The following BMPR2 variants were observed in gnomAD, a reference collection of about 807,000 sequenced individuals.
BMPR2 encodes the protein bone morphogenetic protein receptor type-2.
BMPR2 carries 29 observed loss-of-function variants against 100.8 expected under a neutral mutation model. That is an observed-to-expected ratio of 0.29 (90% confidence interval 0.21 to 0.39). BMPR2 has a LOEUF of 0.39. Ranked by LOEUF, BMPR2 falls within the 10% of genes least tolerant of loss-of-function variation. The probability of loss-of-function intolerance (pLI) is 1.00; values close to 1 mark genes in which losing one functional copy is unlikely to be tolerated. For synonymous variants in BMPR2, 382 were observed against 442.3 expected (o/e 0.86, Z 1.71); for missense variants, 1,011 against 1,274.5 (o/e 0.79, Z 3.15).
At chr2:202,552,993 T>G in intron 11 of BMPR2, 105 bp downstream of exon 11, 1 of 1,336,500 alleles carries the variant, frequency 7.5e-7, no homozygotes, top group African/African-American at 1.5e-5. Flanking sequence ...GTTCAATGAT[T>G]ACCTCATACA....
chr2:202,543,997 T>A (rs1319576919), intron 10 of BMPR2, among the ~76,000 whole-genome samples: 1 of 151,918 alleles, frequency 6.6e-6, no homozygotes, highest in East Asian at 1.9e-4. Context: ...TAAGACCCTG[T>A]CTCTTTAAAA....
chr2:202,388,213 G>A (rs1015207406), intron 1 of BMPR2, among the ~76,000 whole-genome samples: 2 of 151,580 alleles, frequency 1.3e-5, no homozygotes, highest in Non-Finnish European at 2.9e-5. Context: ...CCTGGCCAAC[G>A]TGATGAAACC....
At chr2:202,392,727 T>C (rs1166083524) in intron 1 of BMPR2, among the ~76,000 whole-genome samples, 1 of 151,372 alleles carries the variant, frequency 6.6e-6, no homozygotes, top group East Asian at 2.0e-4. Flanking sequence ...GCGCGGTGGC[T>C]CACGCCTGTA....
chr2:202,393,934 A>AGAGAGAGAGAGAGAGAGAGAG (rs60100855), intron 1 of BMPR2, among the ~76,000 whole-genome samples: 2 of 119,414 alleles, frequency 1.7e-5, no homozygotes, highest in Non-Finnish European at 3.6e-5. Context: ...AGAGAGAGAG[A>AGAGAGAGAGAGAGAGAGAGAG]TTCCTGTGAG....
At chr2:202,479,430 C>T (rs1167801784) in intron 3 of BMPR2, among the ~76,000 whole-genome samples, 1 of 151,166 alleles carries the variant, frequency 6.6e-6, no homozygotes, top group Non-Finnish European at 1.5e-5. Flanking sequence ...TGTAGATTCC[C>T]ATAGAAACTG....
intron 7 of BMPR2, among the ~76,000 whole-genome samples, chr2:202,525,889 G>T: frequency 8.6e-6 from 1 of 116,494 alleles, no homozygotes; most frequent in African/African-American, 3.4e-5. Flanking sequence ...TTTTGAGACG[G>T]AGTTTAGCTC....
intron 9 of BMPR2, among the ~76,000 whole-genome samples, chr2:202,542,100 G>C (rs1352983835): frequency 6.7e-6 from 1 of 148,366 alleles, no homozygotes; most frequent in Non-Finnish European, 1.5e-5. Context: ...AACAGAGTAA[G>C]ACTCCGTCTA....
At chr2:202,385,680 C>T (rs769110992) in intron 1 of BMPR2, among the ~76,000 whole-genome samples, 2 of 144,044 alleles carry the variant, frequency 1.4e-5, no homozygotes, top group Non-Finnish European at 3.0e-5. Context: ...AAAAAAAAAG[C>T]ATGTATTTTT....
rs777249940 is a variant in BMPR2 at position 202,556,382 on chromosome 2, A to G, written c.2717A>G (p.Asn906Ser). 7.4e-6 allele frequency: 12 copies of G among 1,614,220 alleles called. No individual in the cohort carries two copies. Among genetic ancestry groups the G allele is most frequent in the South Asian group, 1.1e-5 (1 of 91,080 alleles). Residue 906 changes from asparagine to serine, a missense_variant, in exon 12 of 13, where the codon AAC (asparagine) becomes AGC (serine). Asn to Ser is a conservative substitution (Grantham distance 46). Around this residue, in one of 6 missense-constraint regions of BMPR2, gnomAD observed 508 missense variants for 552.0 expected, o/e 0.92. Transcript: ENST00000374580. ...EGGRTNSNNN[N>S]SNPCSEQDVL... ...GGCCGAACTAATTCCAATAACAACA[A>G]CAGCAATCCATGTTCAGAACAAGAT...
intron 1 of BMPR2, among the ~76,000 whole-genome samples, chr2:202,378,398 A>G (rs1460884983): frequency 6.6e-6 from 1 of 152,202 alleles, no homozygotes; most frequent in Non-Finnish European, 1.5e-5. Context: ...AATTCTACAT[A>G]TAACTCGTAC....
chr2:202,383,953 A>G lies in BMPR2; in HGVS notation c.76+6403A>G, dbSNP rs947741338. ...TTGGGAGGCCGAGGCTGGTGGATCA[A>G]CTGACGTTAGGAGTTTGAGACCAGC... is the stretch of plus-strand genomic sequence containing the variant. On this transcript the variant is annotated intron_variant, in intron 1 of 12. Transcript: ENST00000374580. Among the ~76,000 whole-genome samples, 4 of 152,090 alleles carry G rather than the reference A, an allele frequency of 2.6e-5. No individual in the cohort carries two copies. In the East Asian group the frequency reaches 7.8e-4, roughly 29 times the overall value.
intron 5 of BMPR2, among the ~76,000 whole-genome samples, chr2:202,517,289 A>G (rs1490653849): frequency 6.6e-6 from 1 of 151,252 alleles, no homozygotes; most frequent in Non-Finnish European, 1.5e-5. Context: ...CACATACCAC[A>G]AATCTGTTTG....
chr2:202,513,218 G>C (rs953981022), intron 3 of BMPR2, among the ~76,000 whole-genome samples: 2 of 152,012 alleles, frequency 1.3e-5, no homozygotes, highest in Admixed American at 1.3e-4. Context: ...TGATCCTCCT[G>C]CAGCAGCCTC....
intron 9 of BMPR2, among the ~76,000 whole-genome samples, chr2:202,533,836 G>T (rs956931746): frequency 2.0e-5 from 3 of 152,214 alleles, no homozygotes; most frequent in Admixed American, 2.0e-4. Context: ...AAAAGGGAAA[G>T]AATACTCATT....
intron 1 of BMPR2, among the ~76,000 whole-genome samples, chr2:202,422,785 T>C (rs1691295520): frequency 6.6e-6 from 1 of 152,116 alleles, no homozygotes; most frequent in Non-Finnish European, 1.5e-5. Context: ...CAAGCGATTC[T>C]CCTGCCTCAG....
Position 202,376,526 on chromosome 2 carries a change from C to CGGT in BMPR2, c.-947_-946insTGG. On this transcript the variant is annotated 5_prime_UTR_variant, in exon 1 of 13. Transcript: ENST00000374580. ...CGGGAGAACGAGGCGGCGGCGGCGGCGGCGGCGGCGGCGGCGGCGGCAGCA... is the reference window on the plus strand; with the variant it reads ...CGGGAGAACGAGGCGGCGGCGGCGGCGGTGGCGGCGGCGGCGGCGGCGGCAGCA... Among the ~76,000 whole-genome samples, 1 of 135,200 alleles carries CGGT rather than the reference C, an allele frequency of 7.4e-6. No homozygotes were observed. Among genetic ancestry groups the CGGT allele is most frequent in the East Asian group, 2.3e-4 (1 of 4,364 alleles). The allele number at this position is 135,200 out of a possible 152,430, so 88.7% of individuals were successfully genotyped here.
intron 1 of BMPR2, among the ~76,000 whole-genome samples, chr2:202,440,567 C>T (rs1417774563): frequency 6.6e-6 from 1 of 150,634 alleles, no homozygotes; most frequent in Non-Finnish European, 1.5e-5. Context: ...GACGGGGTGG[C>T]GGCCGGGCAG....
chr2:202,558,396 A>C (rs1688620242), intron 12 of BMPR2, among the ~76,000 whole-genome samples: 1 of 152,070 alleles, frequency 6.6e-6, no homozygotes, highest in Non-Finnish European at 1.5e-5. Context: ...ACAGGCGTGA[A>C]CCACTGCGCC....
chr2:202,383,376 G>A (rs1289856926), intron 1 of BMPR2, among the ~76,000 whole-genome samples: 1 of 151,922 alleles, frequency 6.6e-6, no homozygotes, highest in Non-Finnish European at 1.5e-5. Flanking sequence ...GTGAAACCCC[G>A]TCTCTACTAA....
Sources: gnomAD v4.1 joint callset for allele counts (sites outside exome capture counted in the v4.1 genomes callset) on GRCh38, gnomAD v4.1.1 for gene constraint, gnomAD v4.1.1 regional missense constraint, MANE v1.5 for transcripts, NCBI Gene and HGNC (gene_info 2026-07-23, HGNC 2026-07-21) for gene names.